The following LIPA variants were observed in gnomAD, a reference collection of about 807,000 sequenced individuals.
LIPA encodes the protein lysosomal acid lipase/cholesteryl ester hydrolase.
In LIPA, 26 loss-of-function variants were observed where a neutral mutation model predicts 40.6. That is an observed-to-expected ratio of 0.64 (90% CI 0.47 to 0.89). The LOEUF (loss-of-function observed/expected upper bound fraction) is 0.89. Among genes scored for constraint, LIPA ranks in the 40% least tolerant of loss-of-function variants. The probability of loss-of-function intolerance (pLI) is 0.00; values close to 1 mark genes in which losing one functional copy is unlikely to be tolerated. For missense variants in LIPA, 455 were observed against 479.6 expected (o/e 0.95, Z 0.48); for synonymous variants, 188 against 168.4 (o/e 1.12, Z -0.90).
intron 2 of LIPA, among the ~76,000 whole-genome samples, chr10:89,357,503 T>C (rs986842513): frequency 2.6e-5 from 4 of 152,256 alleles, no homozygotes; most frequent in African/African-American, 9.6e-5. Context: ...AACTCTTCTA[T>C]TATGCTTTCT....
intron 2 of LIPA, among the ~76,000 whole-genome samples, chr10:89,388,697 A>G (rs1022518454): frequency 2.6e-5 from 4 of 152,142 alleles, no homozygotes; most frequent in Admixed American, 2.6e-4. Flanking sequence ...CTACAGCTAT[A>G]TAAGATGTCA....
intron 1 of LIPA, among the ~76,000 whole-genome samples, chr10:89,265,232 A>G (rs1401958957): frequency 6.6e-6 from 1 of 151,894 alleles, no homozygotes; most frequent in Non-Finnish European, 1.5e-5. Context: ...AGTGGGGGCC[A>G]TGGGGTCCTG....
At chr10:89,384,962 T>A in intron 2 of LIPA, 2 of 510,328 alleles carry the variant, frequency 3.9e-6, no homozygotes, top group Non-Finnish European at 6.9e-6. Context: ...CCCCTGAAAG[T>A]ATCATCCCTC....
At chr10:89,297,651 G>A (rs1843423014) in intron 1 of LIPA, among the ~76,000 whole-genome samples, 2 of 152,208 alleles carry the variant, frequency 1.3e-5, no homozygotes. Flanking sequence ...CCTCCTGTTT[G>A]GGGCTGTGAG....
chr10:89,332,426 C>A (rs1400584969), intron 1 of LIPA: 125 of 1,352,726 alleles, frequency 9.2e-5, no homozygotes, highest in Non-Finnish European at 1.2e-4. Context: ...TCAGTTCTCA[C>A]AGATTCTGTT....
chr10:89,330,667 C>A (rs1018079410), intron 1 of LIPA, among the ~76,000 whole-genome samples: 2 of 152,170 alleles, frequency 1.3e-5, no homozygotes, highest in Non-Finnish European at 2.9e-5. Context: ...GAATGAGGCT[C>A]AGTGATATGA....
chr10:89,399,146 ATGTTTATTGGCCAT>A (rs1007095876), intron 2 of LIPA, among the ~76,000 whole-genome samples: 5 of 152,034 alleles, frequency 3.3e-5, no homozygotes, highest in South Asian at 4.1e-4. Flanking sequence ...ATCTTTGCAT[ATGTTTATTGGCCAT>A]TTGTATATTT....
Position 89,323,498 on chromosome 10 carries a change from T to C in LIPA, c.-2+19113A>G, listed in dbSNP as rs976325036. Among the ~76,000 whole-genome samples the C allele has an allele frequency of 1.3e-5, 2 of 151,898 alleles. 1 individual carries two copies. Among genetic ancestry groups the C allele is most frequent in the South Asian group, 4.2e-4 (2 of 4,818 alleles). On this transcript the variant is annotated intron_variant, in intron 1 of 5. Coordinates refer to the LIPA transcript ENST00000282673. ...TAGGAAGAGAGGAAGTCAAACTATC[T>C]ATCTTTGCAGACAATTTGATTGCAT... is the stretch of plus-strand genomic sequence containing the variant.
chr10:89,246,304 T>A (rs1843024594), intron 2 of LIPA, among the ~76,000 whole-genome samples: 1 of 152,186 alleles, frequency 6.6e-6, no homozygotes, highest in South Asian at 2.1e-4. Context: ...GGAATTATGG[T>A]CACATTCACT....
At chr10:89,358,420 G>A (rs1844001130) in intron 2 of LIPA, among the ~76,000 whole-genome samples, 1 of 152,160 alleles carries the variant, frequency 6.6e-6, no homozygotes, top group Admixed American at 6.6e-5. Context: ...GTGATCCACT[G>A]CTGGATATAT....
chr10:89,319,335 A>G (rs1843558422), intron 1 of LIPA, among the ~76,000 whole-genome samples: 1 of 152,228 alleles, frequency 6.6e-6, no homozygotes, highest in Non-Finnish European at 1.5e-5. Context: ...AAAGAAGAAA[A>G]GAGAGAAGAA....
intron 2 of LIPA, among the ~76,000 whole-genome samples, chr10:89,369,609 A>C (rs1267350734): frequency 1.3e-5 from 2 of 152,242 alleles, no homozygotes; most frequent in Non-Finnish European, 2.9e-5. Context: ...AGAGAGTCAT[A>C]AAAGAATATT....
intron 1 of LIPA, chr10:89,293,444 C>T (rs1172157826): frequency 6.6e-6 from 1 of 152,214 alleles, no homozygotes; most frequent in African/African-American, 2.4e-5. Context: ...TCTCCACTTA[C>T]TCTTTTTTTT....
intron 1 of LIPA, among the ~76,000 whole-genome samples, chr10:89,303,713 T>C (rs899779452): frequency 6.6e-6 from 1 of 152,258 alleles, no homozygotes. Context: ...ACCTCAATTC[T>C]ATTTACTCTC....
chr10:89,393,170 T>C (rs1358541001), intron 2 of LIPA: 3 of 1,290,500 alleles, frequency 2.3e-6, no homozygotes, highest in Non-Finnish European at 2.0e-6. Context: ...TTGCAGCCTC[T>C]CTGATGTCTT....
intron 8 of LIPA, among the ~76,000 whole-genome samples, chr10:89,217,488 GCA>G (rs1272887878): frequency 6.6e-6 from 1 of 152,200 alleles, no homozygotes; most frequent in Non-Finnish European, 1.5e-5. Flanking sequence ...AACACAGACA[GCA>G]GTTCATCACT....
intron 2 of LIPA, among the ~76,000 whole-genome samples, chr10:89,380,435 C>CTTT (rs58504474): frequency 7.1e-6 from 1 of 140,874 alleles, no homozygotes. Flanking sequence ...ACAAACTCAT[C>CTTT]TTTTTTTTTT....
At chr10:89,308,557 C>G (rs1460514844) in intron 1 of LIPA, 1 of 152,106 alleles carries the variant, frequency 6.6e-6, no homozygotes, top group Non-Finnish European at 1.5e-5. Flanking sequence ...ACAAAATTCA[C>G]GGTATGCTTG....
chr10:89,410,627 G>A (rs553806042), intron 2 of LIPA, among the ~76,000 whole-genome samples: 1 of 152,224 alleles, frequency 6.6e-6, no homozygotes, highest in Non-Finnish European at 1.5e-5. Context: ...AACTGGGAAA[G>A]GAAAAAGCAA....
Sources: allele counts gnomAD v4.1 joint callset (sites outside exome capture counted in the v4.1 genomes callset), GRCh38; gene constraint gnomAD v4.1.1; transcripts MANE v1.5; gene names NCBI Gene and HGNC (gene_info 2026-07-23, HGNC 2026-07-21).